The following MSH6 variants were observed in gnomAD, a reference collection of about 807,000 sequenced individuals.
MSH6 encodes mutS homolog 6.
In MSH6, 85 loss-of-function variants were observed where a neutral mutation model predicts 119.1. The observed-to-expected ratio is 0.71, with a 90% CI of 0.60 to 0.85. The LOEUF is 0.85. Among genes scored for constraint, MSH6 ranks in the 40% least tolerant of loss-of-function variants. The probability of loss-of-function intolerance (pLI) is 0.00; values close to 1 mark genes in which losing one functional copy is unlikely to be tolerated. For missense variants in MSH6, 2,163 were observed against 1,655.3 expected (o/e 1.31, Z -5.32); for synonymous variants, 830 against 586.9 (o/e 1.41, Z -5.99).
rs1251859821 is a variant in MSH6, at chr2:47,799,412, G to T, written c.1429G>T (p.Gly477Cys). Residue 477 changes from glycine (G) to cysteine (C), a missense_variant, in exon 4 of 10, where the codon GGC becomes TGC. Gly to Cys is a radical substitution (Grantham distance 159). Coordinates refer to ENST00000234420, the MANE Select transcript of MSH6 (RefSeq NM_000179.3). ...TTATTCAGATTCCCTGGTGCAGAAG[G>T]GCTATAAAGTAGCACGAGTGGAACA... ...GRYSDSLVQK[G>C]YKVARVEQTE... is the part of the protein sequence containing the mutation. The T allele has an allele frequency of 1.2e-6, 2 of 1,614,084 alleles. No individual in the cohort carries two copies. The highest frequency in any genetic ancestry group is 2.2e-5 in the South Asian group (2 of 91,070).
Position 47,798,612 on chromosome 2 carries a change from T to C in MSH6, c.629T>C (p.Val210Ala), listed in dbSNP as rs201431515. 6.2e-7 allele frequency: 1 copy of C among 1,609,668 alleles called. No homozygotes were observed. Among genetic ancestry groups the C allele is most frequent in the Admixed American group, 1.7e-5 (1 of 60,006 alleles). ...SEPEEEEEME[V>A]GTTYVTDKSE... is the part of the protein sequence containing the mutation. ...AAATACTCTTTCCTTGCCTGGCAGG[T>C]AGGCACAACTTACGTAACAGATAAG... is the stretch of plus-strand genomic sequence containing the variant. Residue 210 changes from valine (V) to alanine (A), a missense_variant and splice_region_variant, in exon 4 of 10, where the codon GTA (valine) becomes GCA (alanine). Physicochemically the swap from Val to Ala is moderately conservative, Grantham distance 64 (BLOSUM62 0). Transcript: ENST00000234420.
At chr2:47,783,586 T>TG (rs1279048968) in intron 1 of MSH6, 93 bp downstream of exon 1, 1 of 1,232,896 alleles carries the variant, frequency 8.1e-7, no homozygotes, top group African/African-American at 1.7e-5. Flanking sequence ...GTTGGGGGGG[T>TG]GCACGGCCTG....
chr2:47,789,598 C>T (rs1302099368), intron 1 of MSH6, among the ~76,000 whole-genome samples: 8 of 152,134 alleles, frequency 5.3e-5, no homozygotes, highest in Non-Finnish European at 8.8e-5. Context: ...CAGCCCTTTT[C>T]TAAGACTAAA....
chr2:47,808,030 G>T, downstream of MSH6: 1 of 1,207,700 alleles, frequency 8.3e-7, no homozygotes, highest in Non-Finnish European at 1.2e-6. Flanking sequence ...TCTTCCTGTA[G>T]CATGGGCAAA....
At chr2:47,807,064 A>G, downstream of MSH6, 1 of 572,224 alleles carries the variant, frequency 1.7e-6, no homozygotes, top group Non-Finnish European at 3.1e-6. Context: ...GTTATGGTAC[A>G]TGCATACACT....
intron 2 of MSH6, among the ~76,000 whole-genome samples, chr2:47,792,827 C>T (rs965206024): frequency 5.3e-5 from 8 of 150,544 alleles, no homozygotes; most frequent in East Asian, 2.0e-4. Context: ...TGCCACCACA[C>T]CTGGCTAATT....
intron 3 of MSH6, among the ~76,000 whole-genome samples, chr2:47,798,261 A>G (rs912953561): frequency 2.6e-5 from 4 of 152,248 alleles, no homozygotes; most frequent in African/African-American, 9.6e-5. Context: ...TTACAGTAGT[A>G]CAGATGGGGT....
At position 47,800,654 on chromosome 2, in the gene MSH6, AT is replaced by A; in HGVS notation, c.2672del (p.Ile891ThrfsTer15). 6.2e-7 allele frequency: 1 copy of A among 1,614,212 alleles called. No homozygotes were observed. The highest frequency in any genetic ancestry group is 8.5e-7 in the Non-Finnish European group (1 of 1,180,036). Reference sequence around the variant, plus strand: ...TAAGTCTAAAATCCTTAAGCAGGTCATCTCTCTGCAGACAAAAAATCCTGAA... The same window carrying A: ...TAAGTCTAAAATCCTTAAGCAGGTCACTCTCTGCAGACAAAAAATCCTGAA... Reference protein sequence around the residue: ...GFKSKILKQVISLQTKNPEGR... With the variant: ...GFKSKILKQVXSLQTKNPEGR... On this transcript the variant is annotated frameshift_variant, in exon 4 of 10. Coordinates refer to ENST00000234420, the MANE Select transcript of MSH6 (RefSeq NM_000179.3). LOFTEE classifies it high-confidence loss of function.
In MSH6 at chr2:47,800,724, C is replaced by T. The variant is rs1553414094; in HGVS notation, c.2741C>T (p.Thr914Ile). The change falls in exon 4 of 10, where the codon ACA (threonine) becomes ATA (isoleucine). Residue 914 changes from threonine (T) to isoleucine (I), a missense_variant. Coordinates refer to ENST00000234420, the MANE Select transcript of MSH6 (RefSeq NM_000179.3). ...ACTGTAGAATTGAACCGATGGGATA[C>T]AGCCTTTGACCATGAAAAGGCTCGA... ...DLTVELNRWD[T>I]AFDHEKARKT... The T allele has an allele frequency of 6.2e-7, 1 of 1,614,152 alleles. No individual in the cohort carries two copies. Among genetic ancestry groups the T allele is most frequent in the East Asian group, 2.2e-5 (1 of 44,886 alleles).
At chr2:47,795,505 G>A (rs1238914720) in intron 2 of MSH6, among the ~76,000 whole-genome samples, 11 of 142,378 alleles carry the variant, frequency 7.7e-5, no homozygotes, top group African/African-American at 2.1e-4. Flanking sequence ...TTGCACTGTC[G>A]CCCAGGCTGG....
intron 4 of MSH6, chr2:47,801,362 T>TTG: frequency 7.4e-6 from 2 of 269,330 alleles, no homozygotes; most frequent in South Asian, 7.4e-5. Context: ...CTTTCTTCAG[T>TTG]TTTTTTTTTT....
At position 47,806,759 on chromosome 2, in the gene MSH6, T is replaced by G. The variant is rs370707739; in HGVS notation, c.4002-20T>G. Reference sequence around the variant, plus strand: ...ATGAAAAAACAAAAAAACTTTTTTTTTTTTTTTTTTAATTTTAAGGGAAGT... The same window carrying G: ...ATGAAAAAACAAAAAAACTTTTTTTGTTTTTTTTTTAATTTTAAGGGAAGT... On this transcript the variant is annotated intron_variant, in intron 9 of 9. Coordinates refer to ENST00000234420, the MANE Select transcript of MSH6 (RefSeq NM_000179.3). 1.1e-5 allele frequency: 18 copies of G among 1,580,500 alleles called. 1 individual carries two copies. Among genetic ancestry groups the G allele is most frequent in the Non-Finnish European group, 8.6e-7 (1 of 1,164,504 alleles).
intron 3 of MSH6, 35 bp from the exon 4 acceptor site, chr2:47,798,576 G>C (rs2104285955): frequency 6.2e-7 from 1 of 1,601,366 alleles, no homozygotes; most frequent in Non-Finnish European, 8.5e-7. Flanking sequence ...TCCAAATTTT[G>C]ATTTGTTTTT....
At position 47,803,523 on chromosome 2, in the gene MSH6, A is replaced by G. The variant is rs1572735435; in HGVS notation, c.3276A>G (p.Lys1092=). The G allele has an allele frequency of 1.9e-6, 3 of 1,614,182 alleles. No homozygotes were observed. The highest frequency in any genetic ancestry group is 2.5e-6 in the Non-Finnish European group (3 of 1,180,048). Residue 1092 remains lysine (K), a synonymous_variant, in exon 5 of 10, where the codon AAA becomes AAG. Coordinates refer to ENST00000234420, the MANE Select transcript of MSH6 (RefSeq NM_000179.3). ...ATACCCCCCCCTTCTTAGAGCTTAA[A>G]GGATCACGCCATCCTTGCATTACGA... The part of the protein sequence containing the change: ...PEDTPPFLEL[K]GSRHPCITKT...
In MSH6 at chr2:47,788,922, G is replaced by GTTTTTTTTT. The variant is rs1558650240; in HGVS notation, c.261-1988_261-1980dup. On this transcript the variant is annotated intron_variant, in intron 1 of 9. Transcript: ENST00000234420. Reference sequence around the variant, plus strand: ...TTTCTTCTTCCTTTTTTTTTTTTTTGTTTTTTTTTTTTTTTTTTTTTTTTT... The same window carrying GTTTTTTTTT: ...TTTCTTCTTCCTTTTTTTTTTTTTTGTTTTTTTTTTTTTTTTTTTTTTTTTTTTTTTTTT... 3.8e-3 allele frequency among the ~76,000 whole-genome samples: 155 copies of GTTTTTTTTT among 40,922 alleles called. 14 individuals are homozygous for GTTTTTTTTT. Among genetic ancestry groups the GTTTTTTTTT allele is most frequent in the South Asian group, 4.2e-3 (4 of 950 alleles). 26.8% of individuals were successfully genotyped at this position (40,922 alleles called of 152,430 possible). A position where few individuals can be genotyped will look rare whatever the true frequency, so the allele number is the denominator to read the frequency against.
chr2:47,804,879 C>G, intron 5 of MSH6, 31 bp from the exon 6 acceptor site: 1 of 1,526,280 alleles, frequency 6.6e-7, no homozygotes, highest in East Asian at 2.3e-5. Context: ...TACTACCAGT[C>G]ATAAAAGACC....
intron 1 of MSH6, among the ~76,000 whole-genome samples, chr2:47,790,248 C>A (rs1006070520): frequency 6.6e-6 from 1 of 152,084 alleles, no homozygotes; most frequent in African/African-American, 2.4e-5. Flanking sequence ...ATGGCAAAAC[C>A]CTGACTCTAC....
At chr2:47,791,484 T>C (rs944416372) in intron 2 of MSH6, among the ~76,000 whole-genome samples, 6 of 152,108 alleles carry the variant, frequency 3.9e-5, no homozygotes, top group Admixed American at 1.3e-4. Context: ...AAGATGGAGA[T>C]GCGCACTACC....
rs1553413668 is a variant in MSH6 at position 47,800,275 on chromosome 2, T to C, written c.2292T>C (p.Thr764=). ...GAACCCTACTAGAGAGGGTTGATAC[T>C]TGCCATACTCCTTTTGGTAAGCGGC... The part of the protein sequence containing the change: ...TEGTLLERVD[T]CHTPFGKRLL... Residue 764 remains threonine (T), a synonymous_variant, in exon 4 of 10, where the codon ACT becomes ACC. Transcript: ENST00000234420. The C allele has an allele frequency of 6.2e-7, 1 of 1,614,196 alleles. No individual in the cohort carries two copies. The highest frequency in any genetic ancestry group is 8.5e-7 in the Non-Finnish European group (1 of 1,180,038).
Sources: allele counts gnomAD v4.1 joint callset (sites outside exome capture counted in the v4.1 genomes callset), GRCh38; gene constraint gnomAD v4.1.1; transcripts MANE v1.5; gene names NCBI Gene and HGNC (gene_info 2026-07-23, HGNC 2026-07-21).